Variants in UGT1A6 observed in about 807,000 individuals in gnomAD.
UGT1A6 encodes the protein UDP glucuronosyltransferase family 1 member A6, also known as UDP-glucuronosyltransferase 1A6.
Under a neutral mutation model 44.4 loss-of-function variants are expected in UGT1A6, and 32 were observed. The observed-to-expected ratio is 0.72, with a 90% CI of 0.54 to 0.97. The LOEUF (loss-of-function observed/expected upper bound fraction) is 0.97, where lower values mean the gene tolerates loss of function less well. Ranked by LOEUF, UGT1A6 falls within the 50% of genes least tolerant of loss-of-function variation. UGT1A6 has a pLI of 0.00. For synonymous variants in UGT1A6, 238 were observed against 248.5 expected (o/e 0.96, Z 0.40); for missense variants, 685 against 661.9 (o/e 1.03, Z -0.38).
chr2:233,743,766 C>G (rs750440547), intron 1 of UGT1A6: 10 of 1,367,368 alleles, frequency 7.3e-6, no homozygotes, highest in Non-Finnish European at 9.8e-6. Flanking sequence ...TCGTAGGCCT[C>G]GGCCACCTGC....
chr2:233,751,126 G>C (rs1694648439), intron 1 of UGT1A6, among the ~76,000 whole-genome samples: 1 of 151,986 alleles, frequency 6.6e-6, no homozygotes, highest in East Asian at 1.9e-4. Flanking sequence ...TGTCCAAGTT[G>C]CCTGAGACTG....
intron 1 of UGT1A6, among the ~76,000 whole-genome samples, chr2:233,706,587 G>A (rs916401740): frequency 6.6e-6 from 1 of 152,106 alleles, no homozygotes; most frequent in Non-Finnish European, 1.5e-5. Flanking sequence ...GAGATGGGAG[G>A]TGGACCTAAG....
intron 1 of UGT1A6, among the ~76,000 whole-genome samples, chr2:233,703,404 T>G (rs2075736913): frequency 6.6e-6 from 1 of 152,112 alleles, no homozygotes; most frequent in Non-Finnish European, 1.5e-5. Flanking sequence ...ACAATTTTGG[T>G]TTTGTTTATT....
At position 233,693,566 on chromosome 2, in the gene UGT1A6, C is replaced by T; in HGVS notation, c.562C>T (p.Pro188Ser). The T allele has an allele frequency of 6.2e-7, 1 of 1,614,202 alleles. No homozygotes were observed. The highest frequency in any genetic ancestry group is 1.1e-5 in the South Asian group (1 of 91,084). The change falls in exon 1 of 5, where the codon CCT becomes TCT. Residue 188 changes from proline (P) to serine (S), a missense_variant. Physicochemically the swap from Pro to Ser is moderately conservative, Grantham distance 74. Coordinates refer to ENST00000305139, the MANE Select transcript of UGT1A6 (RefSeq NM_001072.4). ...GCATACATTCAGCAGAAGCCCAGAC[C>T]CTGTGTCCTACATTCCCAGGTGCTA... ...LEHTFSRSPD[P>S]VSYIPRCYTK...
intron 1 of UGT1A6, among the ~76,000 whole-genome samples, chr2:233,696,006 C>T (rs2075317291): frequency 6.6e-6 from 1 of 152,064 alleles, no homozygotes; most frequent in Admixed American, 6.6e-5. Flanking sequence ...AGCATCAGGT[C>T]CCACAGACAT....
chr2:233,718,197 C>T (rs1417853211), intron 1 of UGT1A6, among the ~76,000 whole-genome samples: 5 of 152,036 alleles, frequency 3.3e-5, no homozygotes, highest in South Asian at 4.1e-4. Context: ...CTCCCCGGAG[C>T]TTTTTTTTAT....
intron 1 of UGT1A6, among the ~76,000 whole-genome samples, chr2:233,724,362 A>T (rs1231465010): frequency 6.9e-6 from 1 of 144,202 alleles, no homozygotes; most frequent in African/African-American, 2.6e-5. Context: ...TCCCTCCCGG[A>T]CGGGGTGGCT....
chr2:233,692,840 A>C, upstream of UGT1A6: 1 of 1,451,404 alleles, frequency 6.9e-7, no homozygotes, highest in Non-Finnish European at 9.0e-7. Context: ...AAAATGGTTA[A>C]ATATTAATTT....
rs767483704 is a variant in UGT1A6, at chr2:233,711,800, C to T, written c.861+17935C>T. On this transcript the variant is annotated intron_variant, in intron 1 of 4. Transcript: ENST00000305139. Reference sequence around the variant, plus strand: ...AAGTGTGCACAGCCCAGAGAGCCTGCCCACATCATCCTGGGGCGACCAGGA... The same window carrying T: ...AAGTGTGCACAGCCCAGAGAGCCTGTCCACATCATCCTGGGGCGACCAGGA... 4.5e-4 allele frequency among the ~76,000 whole-genome samples: 69 copies of T among 152,310 alleles called. 1 individual carries two copies. The highest frequency in any genetic ancestry group is 3.9e-4 in the East Asian group (2 of 5,182).
At position 233,747,386 on chromosome 2, in the gene UGT1A6, G is replaced by A. The variant is rs28900380; in HGVS notation, c.862-19648G>A. ...AGCTCCATGCCAGAGGCCACCAGGC[G>A]GTGGTCCTCACCCCAGAGGTGAATA... is the stretch of plus-strand genomic sequence containing the variant. On this transcript the variant is annotated intron_variant, in intron 1 of 4. Coordinates refer to ENST00000305139, the MANE Select transcript of UGT1A6 (RefSeq NM_001072.4). The A allele has an allele frequency of 0.013, 20,927 of 1,605,194 alleles. 2,457 individuals carry two copies. In the African/African-American group the frequency reaches 0.23, roughly 18 times the overall value.
In UGT1A6 at chr2:233,754,644, T is replaced by G. The variant is rs1255750118; in HGVS notation, c.862-12390T>G. 6 of 449,562 alleles carry G rather than the reference T, an allele frequency of 1.3e-5. No individual in the cohort carries two copies. In the Admixed American group the frequency reaches 1.5e-4, roughly 11 times the overall value. 27.8% of individuals were successfully genotyped at this position (449,562 alleles called of 1,614,324 possible). A position where few individuals can be genotyped will look rare whatever the true frequency, so the allele number is the denominator to read the frequency against. On this transcript the variant is annotated intron_variant, in intron 1 of 4. Coordinates refer to ENST00000305139, the MANE Select transcript of UGT1A6 (RefSeq NM_001072.4). ...CACTTCCACCCTTTCTTGGCCATTCTCAATGATTCTCTTGGTGGTGATTTT... is the reference window on the plus strand; with the variant it reads ...CACTTCCACCCTTTCTTGGCCATTCGCAATGATTCTCTTGGTGGTGATTTT...
At chr2:233,712,416 C>T (rs2076233060) in intron 1 of UGT1A6, among the ~76,000 whole-genome samples, 1 of 152,192 alleles carries the variant, frequency 6.6e-6, no homozygotes, top group South Asian at 2.1e-4. Context: ...TTGAGCTTTA[C>T]AAGAAATATC....
chr2:233,754,001 T>G (rs1457314312), intron 1 of UGT1A6, among the ~76,000 whole-genome samples: 1 of 152,230 alleles, frequency 6.6e-6, no homozygotes, highest in Non-Finnish European at 1.5e-5. Context: ...GTTTGGGTAA[T>G]TTGTTACAGC....
At chr2:233,743,542 C>A in intron 1 of UGT1A6, 1 of 1,364,376 alleles carries the variant, frequency 7.3e-7, no homozygotes, top group Non-Finnish European at 9.8e-7. Flanking sequence ...GTTCCTCTGA[C>A]CCCCCCAAAA....
At chr2:233,760,540 A>G (rs777452318) in intron 1 of UGT1A6, 2 of 1,614,130 alleles carry the variant, frequency 1.2e-6, no homozygotes, top group Non-Finnish European at 8.5e-7. Flanking sequence ...GCCATTCCAA[A>G]GGGAGGATGT....
At chr2:233,727,462 C>G (rs1389495437) in intron 1 of UGT1A6, among the ~76,000 whole-genome samples, 2 of 152,116 alleles carry the variant, frequency 1.3e-5, no homozygotes, top group Non-Finnish European at 2.9e-5. Context: ...ACTTCACTGT[C>G]TAAATAAAAC....
intron 4 of UGT1A6, among the ~76,000 whole-genome samples, chr2:233,768,707 C>T (rs1156909231): frequency 6.0e-5 from 9 of 150,670 alleles, no homozygotes; most frequent in Non-Finnish European, 1.3e-4. Flanking sequence ...CCTCAGCCTC[C>T]GTGTAGCTGG....
intron 1 of UGT1A6, among the ~76,000 whole-genome samples, chr2:233,728,596 G>A (rs2077730910): frequency 6.6e-6 from 1 of 152,160 alleles, no homozygotes; most frequent in South Asian, 2.1e-4. Flanking sequence ...AAACCACATA[G>A]CCAGCCTCCA....
chr2:233,698,825 A>G lies in UGT1A6; in HGVS notation c.861+4960A>G, dbSNP rs116279107. Reference sequence around the variant, plus strand: ...CCCAGCCTCGCCTTGTGGAAGAGTAAGGCAGGATCACTTCCCTCTTATTCC... The same window carrying G: ...CCCAGCCTCGCCTTGTGGAAGAGTAGGGCAGGATCACTTCCCTCTTATTCC... On this transcript the variant is annotated intron_variant, in intron 1 of 4. Coordinates refer to ENST00000305139, the MANE Select transcript of UGT1A6 (RefSeq NM_001072.4). Among the ~76,000 whole-genome samples, 635 of 152,362 alleles carry G rather than the reference A, an allele frequency of 4.2e-3. 10 individuals are homozygous for G. Among genetic ancestry groups the G allele is most frequent in the African/African-American group, 0.015 (605 of 41,584 alleles).
Sources: allele counts gnomAD v4.1 joint callset (sites outside exome capture counted in the v4.1 genomes callset), GRCh38; gene constraint gnomAD v4.1.1; transcripts MANE v1.5; gene names NCBI Gene and HGNC (gene_info 2026-07-23, HGNC 2026-07-21).